NKAIN2: variants seen among roughly 807,000 people sequenced by gnomAD.
NKAIN2 encodes sodium/potassium transporting ATPase interacting 2.
Under a neutral mutation model 32.6 loss-of-function variants are expected in NKAIN2, and 14 were observed. The observed-to-expected ratio is 0.43, with a 90% confidence interval of 0.28 to 0.67. The LOEUF (loss-of-function observed/expected upper bound fraction) is 0.67. Ranked by LOEUF, NKAIN2 falls within the 30% of genes least tolerant of loss-of-function variation. The probability of loss-of-function intolerance (pLI) is 0.17; values close to 1 mark genes in which losing one functional copy is unlikely to be tolerated. For synonymous variants in NKAIN2, 80 were observed against 87.2 expected, an observed-to-expected ratio of 0.92 and a Z score of 0.46; for missense variants, 198 against 258.3, an observed-to-expected ratio of 0.77 and a Z score of 1.60.
chr6:124,725,180 C>T (rs993858774), intron 4 of NKAIN2, among the ~76,000 whole-genome samples: 1 of 152,154 alleles, frequency 6.6e-6, no homozygotes, highest in African/African-American at 2.4e-5. Flanking sequence ...ACTTCTCATG[C>T]CCTCTATCAC....
intron 1 of NKAIN2, among the ~76,000 whole-genome samples, chr6:123,857,408 A>G (rs990078769): frequency 6.6e-6 from 1 of 152,204 alleles, no homozygotes; most frequent in African/African-American, 2.4e-5. Context: ...AAAACAATCT[A>G]TACAGTTTTT....
At chr6:124,172,128 A>G (rs1788925776) in intron 1 of NKAIN2, among the ~76,000 whole-genome samples, 1 of 152,172 alleles carries the variant, frequency 6.6e-6, no homozygotes, top group Non-Finnish European at 1.5e-5. Flanking sequence ...TTTTTTAATG[A>G]TAGTGAAGTT....
chr6:124,053,500 C>T (rs1782504310), intron 1 of NKAIN2, among the ~76,000 whole-genome samples: 1 of 152,044 alleles, frequency 6.6e-6, no homozygotes, highest in Non-Finnish European at 1.5e-5. Flanking sequence ...AGAATCACTA[C>T]ATTATTAAGT....
At chr6:124,764,758 A>G (rs1239813236) in intron 4 of NKAIN2, among the ~76,000 whole-genome samples, 1 of 152,194 alleles carries the variant, frequency 6.6e-6, no homozygotes, top group East Asian at 1.9e-4. Flanking sequence ...GAAGTTGACT[A>G]TAAATGGATT....
intron 4 of NKAIN2, among the ~76,000 whole-genome samples, chr6:124,707,120 T>C (rs1290480349): frequency 6.6e-6 from 1 of 151,768 alleles, no homozygotes; most frequent in Non-Finnish European, 1.5e-5. Context: ...GATAGTTTAC[T>C]GAGAATGATG....
chr6:124,702,263 T>C (rs1250589486), intron 4 of NKAIN2, among the ~76,000 whole-genome samples: 2 of 152,114 alleles, frequency 1.3e-5, no homozygotes, highest in Non-Finnish European at 2.9e-5. Context: ...ATATTTTGAA[T>C]TTCATGAAAA....
At chr6:124,263,881 A>G (rs1025519111) in intron 1 of NKAIN2, among the ~76,000 whole-genome samples, 3 of 152,182 alleles carry the variant, frequency 2.0e-5, no homozygotes, top group African/African-American at 4.8e-5. Context: ...TCTGTGCTTT[A>G]TCAAGCAATC....
At chr6:124,350,140 A>T (rs996433129) in intron 2 of NKAIN2, among the ~76,000 whole-genome samples, 16 of 152,222 alleles carry the variant, frequency 1.1e-4, no homozygotes, top group Non-Finnish European at 1.9e-4. Flanking sequence ...ATATTAGGTC[A>T]TCTCTCCAGG....
intron 3 of NKAIN2, among the ~76,000 whole-genome samples, chr6:124,592,372 T>C (rs1781943395): frequency 6.6e-6 from 1 of 152,180 alleles, no homozygotes; most frequent in Non-Finnish European, 1.5e-5. Context: ...TTTACATTAA[T>C]ACACGGCTTG....
intron 3 of NKAIN2, among the ~76,000 whole-genome samples, chr6:124,651,169 A>T (rs780767467): frequency 3.3e-5 from 5 of 150,538 alleles, no homozygotes; most frequent in Non-Finnish European, 7.3e-5. Context: ...TCTTTTTAGT[A>T]CACTGAGGTA....
At chr6:124,241,403 A>G (rs935805148) in intron 1 of NKAIN2, among the ~76,000 whole-genome samples, 1 of 152,212 alleles carries the variant, frequency 6.6e-6, no homozygotes, top group African/African-American at 2.4e-5. Context: ...TTTAAATTTC[A>G]TCTGGAACCA....
intron 1 of NKAIN2, among the ~76,000 whole-genome samples, chr6:123,992,277 A>G (rs908124806): frequency 5.3e-5 from 8 of 152,164 alleles, no homozygotes; most frequent in African/African-American, 1.9e-4. Context: ...TGGAGGAAAG[A>G]GGAAGGAATG....
chr6:124,215,345 A>T, intron 1 of NKAIN2, among the ~76,000 whole-genome samples: 1 of 152,182 alleles, frequency 6.6e-6, no homozygotes, highest in East Asian at 1.9e-4. Flanking sequence ...TAATAATCAA[A>T]TATAATAAAG....
At chr6:123,829,788 G>T (rs1037077474) in intron 1 of NKAIN2, among the ~76,000 whole-genome samples, 4 of 152,130 alleles carry the variant, frequency 2.6e-5, no homozygotes, top group African/African-American at 9.7e-5. Flanking sequence ...CACATTCAAC[G>T]TAACGAAAAG....
At chr6:124,804,301 T>C (rs1465752712) in intron 5 of NKAIN2, among the ~76,000 whole-genome samples, 1 of 152,214 alleles carries the variant, frequency 6.6e-6, no homozygotes, top group African/African-American at 2.4e-5. Context: ...TTAGCAGATA[T>C]GAACAAGAAC....
At chr6:124,059,084 T>A (rs1782798083) in intron 1 of NKAIN2, among the ~76,000 whole-genome samples, 1 of 150,702 alleles carries the variant, frequency 6.6e-6, no homozygotes, top group South Asian at 2.1e-4. Context: ...CATATTAGAA[T>A]GGAAAGTGGT....
At chr6:124,119,653 A>C (rs1785781808) in intron 1 of NKAIN2, among the ~76,000 whole-genome samples, 1 of 152,240 alleles carries the variant, frequency 6.6e-6, no homozygotes, top group Non-Finnish European at 1.5e-5. Flanking sequence ...TGAGAAAAAA[A>C]ATGGTAACTT....
intron 1 of NKAIN2, among the ~76,000 whole-genome samples, chr6:124,179,152 A>G (rs994966585): frequency 3.3e-5 from 5 of 152,234 alleles, no homozygotes; most frequent in African/African-American, 1.2e-4. Context: ...CTGTAGGGAT[A>G]TATATGTTTC....
chr6:124,676,268 T>G (rs1192187008), intron 4 of NKAIN2, among the ~76,000 whole-genome samples: 3 of 152,128 alleles, frequency 2.0e-5, no homozygotes, highest in Non-Finnish European at 4.4e-5. Flanking sequence ...GAGAATGTTG[T>G]GTGTGTGCTT....
Sources: gnomAD v4.1 joint callset for allele counts (sites outside exome capture counted in the v4.1 genomes callset) on GRCh38, gnomAD v4.1.1 for gene constraint, MANE v1.5 for transcripts, NCBI Gene and HGNC (gene_info 2026-07-23, HGNC 2026-07-21) for gene names.